REEP3: variants seen among roughly 807,000 people sequenced by gnomAD.
The protein encoded by REEP3 is receptor expression-enhancing protein 3.
REEP3 carries 20 observed loss-of-function variants against 41.3 expected under a neutral mutation model. The observed-to-expected ratio is 0.48, with a 90% CI of 0.34 to 0.70. The LOEUF is 0.70. Ranked by LOEUF, REEP3 falls within the 30% of genes least tolerant of loss-of-function variation. The pLI, the probability that REEP3 is intolerant of heterozygous loss-of-function variation, is 0.01. For synonymous variants in REEP3, 104 were observed against 101.8 expected, an observed-to-expected ratio of 1.02 and a Z score of -0.13; for missense variants, 271 against 308.8, an observed-to-expected ratio of 0.88 and a Z score of 0.92.
intron 5 of REEP3, among the ~76,000 whole-genome samples, chr10:63,608,474 T>C (rs920097253): frequency 1.3e-5 from 2 of 152,208 alleles, no homozygotes; most frequent in African/African-American, 4.8e-5. Context: ...TTAACTGTAA[T>C]GCCCAAATGT....
chr10:63,618,582 A>G (rs999369148), intron 6 of REEP3, among the ~76,000 whole-genome samples: 2 of 152,148 alleles, frequency 1.3e-5, no homozygotes, highest in African/African-American at 2.4e-5. Context: ...CCCTTTCTTT[A>G]TAACCTACTT....
intron 2 of REEP3, among the ~76,000 whole-genome samples, chr10:63,572,302 C>T (rs1955859859): frequency 1.6e-5 from 2 of 123,558 alleles, no homozygotes; most frequent in African/African-American, 3.2e-5. Flanking sequence ...TAATTTAAAC[C>T]GACTTTTTTT....
chr10:63,592,871 C>T (rs955733341), intron 2 of REEP3, among the ~76,000 whole-genome samples: 4 of 151,958 alleles, frequency 2.6e-5, no homozygotes, highest in Non-Finnish European at 5.9e-5. Context: ...CCACCCTGGG[C>T]GACAGAGCAA....
intron 5 of REEP3, among the ~76,000 whole-genome samples, chr10:63,602,104 A>G (rs937017575): frequency 6.6e-6 from 1 of 152,078 alleles, no homozygotes; most frequent in Non-Finnish European, 1.5e-5. Context: ...AGGGTAAGAC[A>G]ATGAAAAAGG....
At chr10:63,545,680 G>GTTTTTTTTTTTTTTTTTTTT (rs55779021) in intron 1 of REEP3, among the ~76,000 whole-genome samples, 1 of 55,412 alleles carries the variant, frequency 1.8e-5, no homozygotes, top group African/African-American at 7.3e-5. Flanking sequence ...GCCAACTTCT[G>GTTTTTTTTTTTTTTTTTTTT]TTTTTTTTTT....
chr10:63,597,920 A>C, intron 3 of REEP3, 104 bp from the exon 4 acceptor site: 3 of 1,049,546 alleles, frequency 2.9e-6, no homozygotes, highest in South Asian at 3.5e-5. Flanking sequence ...AAAAAAAAAA[A>C]CAAAAAACAG....
At chr10:63,610,355 A>G (rs1956268179) in intron 6 of REEP3, 21 bp downstream of exon 6, 1 of 1,550,192 alleles carries the variant, frequency 6.5e-7, no homozygotes, top group African/African-American at 1.4e-5. Flanking sequence ...GTGTTTTAAT[A>G]TACGGTTCTT....
At chr10:63,594,704 T>G in intron 2 of REEP3, 74 bp from the exon 3 acceptor site, 1 of 890,936 alleles carries the variant, frequency 1.1e-6, no homozygotes, top group East Asian at 2.4e-5. Flanking sequence ...CAGAAATACA[T>G]ACATACATAC....
chr10:63,592,524 G>A (rs1446301527), intron 2 of REEP3, among the ~76,000 whole-genome samples: 1 of 152,132 alleles, frequency 6.6e-6, no homozygotes, highest in Non-Finnish European at 1.5e-5. Context: ...AAAAGCACAC[G>A]GTTCAGTTTG....
chr10:63,572,481 C>G (rs548623563), intron 2 of REEP3, among the ~76,000 whole-genome samples: 25 of 152,190 alleles, frequency 1.6e-4, no homozygotes, highest in Admixed American at 2.0e-4. Flanking sequence ...TGCCCCTGAC[C>G]CTCCAACAGG....
intron 2 of REEP3, among the ~76,000 whole-genome samples, chr10:63,578,334 G>A (rs1299527863): frequency 9.2e-5 from 14 of 152,126 alleles, no homozygotes; most frequent in African/African-American, 1.9e-4. Context: ...TCCTGACCTC[G>A]TGATCCGCCT....
intron 1 of REEP3, among the ~76,000 whole-genome samples, chr10:63,533,152 T>A (rs1003370871): frequency 1.1e-4 from 16 of 152,204 alleles, no homozygotes; most frequent in African/African-American, 3.9e-4. Flanking sequence ...GGTAGAACCC[T>A]AGTTGAAGAT....
chr10:63,524,805 A>G (rs1442023480), intron 1 of REEP3, among the ~76,000 whole-genome samples: 1 of 152,090 alleles, frequency 6.6e-6, no homozygotes, highest in African/African-American at 2.4e-5. Flanking sequence ...TCTGAGCTTC[A>G]GTCTTCTTGC....
chr10:63,543,281 CT>C (rs1425685397), intron 1 of REEP3, among the ~76,000 whole-genome samples: 2 of 151,928 alleles, frequency 1.3e-5, no homozygotes, highest in African/African-American at 2.4e-5. Flanking sequence ...ACATGGAAAA[CT>C]TGTATTGTTT....
At chr10:63,532,962 TG>T (rs1219363298) in intron 1 of REEP3, among the ~76,000 whole-genome samples, 1 of 152,146 alleles carries the variant, frequency 6.6e-6, no homozygotes, top group African/African-American at 2.4e-5. Context: ...AGTCATCACA[TG>T]GGGAAGGGGG....
At chr10:63,614,419 A>G (rs1031923852) in intron 6 of REEP3, among the ~76,000 whole-genome samples, 1 of 152,190 alleles carries the variant, frequency 6.6e-6, no homozygotes, top group Non-Finnish European at 1.5e-5. Context: ...GTGGTCTGAC[A>G]GCAGCTGGGC....
intron 1 of REEP3, among the ~76,000 whole-genome samples, chr10:63,562,017 C>T (rs1205633281): frequency 6.6e-6 from 1 of 152,070 alleles, no homozygotes; most frequent in Non-Finnish European, 1.5e-5. Context: ...CTAGTGTCAG[C>T]GGTGTGGATG....
chr10:63,577,295 C>G (rs571331150), intron 2 of REEP3, among the ~76,000 whole-genome samples: 3 of 152,138 alleles, frequency 2.0e-5, no homozygotes, highest in Admixed American at 6.6e-5. Flanking sequence ...TCACCCCTTT[C>G]CAGAGAATAA....
At chr10:63,600,894 A>G (rs1956166092) in intron 5 of REEP3, among the ~76,000 whole-genome samples, 1 of 151,984 alleles carries the variant, frequency 6.6e-6, no homozygotes, top group African/African-American at 2.4e-5. Flanking sequence ...TGGCTCACAC[A>G]TGTAATCCCA....
Sources: allele counts gnomAD v4.1 joint callset (sites outside exome capture counted in the v4.1 genomes callset), GRCh38; gene constraint gnomAD v4.1.1; transcripts MANE v1.5; gene names NCBI Gene and HGNC (gene_info 2026-07-23, HGNC 2026-07-21).